Variants in MARCHF1 observed in about 807,000 individuals in gnomAD.
MARCHF1 encodes membrane associated ring-CH-type finger 1, also known as E3 ubiquitin-protein ligase MARCHF1.
A neutral mutation model predicts 54.2 loss-of-function variants in MARCHF1; 40 were observed. The ratio of observed to expected loss-of-function variants is 0.74; its 90% CI spans 0.57 to 0.96. The LOEUF is 0.96. Ranked by LOEUF, MARCHF1 falls within the 40% of genes least tolerant of loss-of-function variation. The probability of loss-of-function intolerance (pLI) is 0.00; values close to 1 mark genes in which losing one functional copy is unlikely to be tolerated. For synonymous variants in MARCHF1, 236 were observed against 236.3 expected (o/e 1.00, Z 0.01); for missense variants, 586 against 656.5 (o/e 0.89, Z 1.17).
chr4:164,005,765 C>T (rs947940209), intron 2 of MARCHF1, among the ~76,000 whole-genome samples: 1 of 152,148 alleles, frequency 6.6e-6, no homozygotes, highest in African/African-American at 2.4e-5. Context: ...GATGACAAAT[C>T]AGAGTGGCTG....
chr4:164,307,463 G>A (rs893359152), intron 1 of MARCHF1, among the ~76,000 whole-genome samples: 6 of 152,186 alleles, frequency 3.9e-5, no homozygotes, highest in Admixed American at 1.3e-4. Context: ...TGGAGATGTG[G>A]CCAGTGGCCA....
intron 5 of MARCHF1, among the ~76,000 whole-genome samples, chr4:163,663,509 CT>C (rs1398917711): frequency 6.6e-6 from 1 of 151,962 alleles, no homozygotes; most frequent in Admixed American, 6.6e-5. Context: ...TTTTTATATT[CT>C]GAATGATTTT....
chr4:164,081,855 C>T (rs551900455), intron 2 of MARCHF1, among the ~76,000 whole-genome samples: 3 of 152,272 alleles, frequency 2.0e-5, no homozygotes, highest in African/African-American at 7.2e-5. Flanking sequence ...TATATGGGCG[C>T]ACTTTATCCA....
intron 1 of MARCHF1, chr4:164,383,531 C>CG (rs1274565870): frequency 6.6e-6 from 1 of 152,304 alleles, no homozygotes; most frequent in Non-Finnish European, 1.5e-5. Context: ...CAGCGCGCCG[C>CG]GCACTGGGGA....
chr4:164,175,311 T>C (rs1730635262), intron 1 of MARCHF1, among the ~76,000 whole-genome samples: 1 of 152,176 alleles, frequency 6.6e-6, no homozygotes, highest in African/African-American at 2.4e-5. Flanking sequence ...GCCTTCAGGG[T>C]ATAAATCTAG....
At chr4:163,984,328 T>C (rs1752820285) in intron 3 of MARCHF1, among the ~76,000 whole-genome samples, 1 of 152,244 alleles carries the variant, frequency 6.6e-6, no homozygotes, top group Non-Finnish European at 1.5e-5. Flanking sequence ...GTTTGGTTTT[T>C]GTTTTCCTCC....
chr4:163,796,467 T>C (rs923229368), intron 4 of MARCHF1, among the ~76,000 whole-genome samples: 4 of 152,158 alleles, frequency 2.6e-5, no homozygotes, highest in Non-Finnish European at 4.4e-5. Flanking sequence ...TTTGGCTTAA[T>C]GTCTAATTCA....
At chr4:164,287,568 C>A (rs1020232784) in intron 1 of MARCHF1, among the ~76,000 whole-genome samples, 1 of 152,156 alleles carries the variant, frequency 6.6e-6, no homozygotes, top group South Asian at 2.1e-4. Context: ...TTGTGTGCAA[C>A]CCTAGTAGGA....
chr4:164,105,487 C>G (rs988068070), intron 2 of MARCHF1, among the ~76,000 whole-genome samples: 8 of 139,470 alleles, frequency 5.7e-5, no homozygotes, highest in African/African-American at 2.2e-4. Flanking sequence ...TGATCTTTGA[C>G]AAACCTGAGA....
At chr4:163,930,079 C>A (rs1751638253) in intron 3 of MARCHF1, among the ~76,000 whole-genome samples, 2 of 143,886 alleles carry the variant, frequency 1.4e-5, no homozygotes, top group South Asian at 2.2e-4. Flanking sequence ...GGCATACCAG[C>A]CATGAATTAA....
At chr4:163,755,299 A>T (rs1746633986) in intron 4 of MARCHF1, among the ~76,000 whole-genome samples, 1 of 152,180 alleles carries the variant, frequency 6.6e-6, no homozygotes, top group Non-Finnish European at 1.5e-5. Flanking sequence ...CTTATAGCAC[A>T]CAGGAAGTCG....
chr4:163,951,669 G>T (rs1249376092), intron 3 of MARCHF1, among the ~76,000 whole-genome samples: 2 of 152,186 alleles, frequency 1.3e-5, no homozygotes, highest in African/African-American at 4.8e-5. Context: ...TGTATGTACT[G>T]CAGTTCACAG....
intron 4 of MARCHF1, among the ~76,000 whole-genome samples, chr4:163,844,782 C>A (rs1358925043): frequency 1.3e-5 from 2 of 152,208 alleles, no homozygotes; most frequent in East Asian, 1.9e-4. Context: ...ATGTACAATG[C>A]CGAATACTAA....
intron 1 of MARCHF1, among the ~76,000 whole-genome samples, chr4:164,145,263 T>C (rs1729646071): frequency 6.6e-6 from 1 of 152,184 alleles, no homozygotes; most frequent in Admixed American, 6.5e-5. Flanking sequence ...ACTGGTACCA[T>C]TCCTTCTGAA....
chr4:163,628,559 A>G (rs1741955117), intron 5 of MARCHF1, among the ~76,000 whole-genome samples: 1 of 152,204 alleles, frequency 6.6e-6, no homozygotes, highest in African/African-American at 2.4e-5. Flanking sequence ...GCCATCAGGA[A>G]AGAGGAAGAA....
intron 2 of MARCHF1, among the ~76,000 whole-genome samples, chr4:164,048,541 C>A (rs1385786728): frequency 6.6e-6 from 1 of 152,066 alleles, no homozygotes; most frequent in African/African-American, 2.4e-5. Context: ...TGGACATTTT[C>A]AGCAATTGGG....
intron 1 of MARCHF1, among the ~76,000 whole-genome samples, chr4:164,349,893 G>C (rs1730228757): frequency 6.6e-6 from 1 of 152,270 alleles, no homozygotes; most frequent in South Asian, 2.1e-4. Context: ...ATGTAACATA[G>C]TGGTTAAAAA....
chr4:164,196,666 T>TTTAGTCCAAGG (rs1731267939), intron 1 of MARCHF1, among the ~76,000 whole-genome samples: 3 of 152,264 alleles, frequency 2.0e-5, no homozygotes, highest in African/African-American at 7.2e-5. Flanking sequence ...GGACTATACT[T>TTTAGTCCAAGG]AAAAGAATAG....
chr4:164,031,454 T>C (rs1753876328), intron 2 of MARCHF1, among the ~76,000 whole-genome samples: 1 of 151,890 alleles, frequency 6.6e-6, no homozygotes. Flanking sequence ...TTCAGTATGA[T>C]ATTGGCTGTA....
Sources: gnomAD v4.1 joint callset for allele counts (sites outside exome capture counted in the v4.1 genomes callset) on GRCh38, gnomAD v4.1.1 for gene constraint, MANE v1.5 for transcripts, NCBI Gene and HGNC (gene_info 2026-07-23, HGNC 2026-07-21) for gene names.